Variants in FOXK1 observed in about 807,000 individuals in gnomAD.
FOXK1 encodes forkhead box protein K1.
A neutral mutation model predicts 51.9 loss-of-function variants in FOXK1; 19 were observed. The observed-to-expected ratio is 0.37, with a 90% CI of 0.26 to 0.54. FOXK1 has a LOEUF of 0.54. FOXK1 is among the 20% of genes least tolerant of loss of function. The pLI is 0.87. For missense variants in FOXK1, 870 were observed against 1,032.7 expected (o/e 0.84, Z 2.16); for synonymous variants, 537 against 482.6 (o/e 1.11, Z -1.48).
intron 1 of FOXK1, among the ~76,000 whole-genome samples, chr7:4,708,349 G>A (rs1417739691): frequency 1.3e-5 from 2 of 152,160 alleles, no homozygotes; most frequent in Non-Finnish European, 2.9e-5. Context: ...AGCCCCCGTG[G>A]ATCGGGATCC....
In FOXK1 at chr7:4,734,469, T is replaced by C. The variant is rs2115057098; in HGVS notation, c.561-6369T>C. 6.6e-6 allele frequency among the ~76,000 whole-genome samples: 1 copy of C among 152,278 alleles called. No individual in the cohort carries two copies. The highest frequency in any genetic ancestry group is 1.9e-4 in the East Asian group (1 of 5,172). ...CTCCCCAGATCGTCTGCTTCCTCCT[T>C]GCCCCTCAAACTCCTTTGCCTCAGT... On this transcript the variant is annotated intron_variant, in intron 1 of 8. Coordinates refer to ENST00000328914, the MANE Select transcript of FOXK1 (RefSeq NM_001037165.2). The surrounding 1 kb of genome is among the most constrained non-coding windows in gnomAD (Gnocchi z 5.2).
At chr7:4,705,785 C>A (rs1020837260) in intron 1 of FOXK1, among the ~76,000 whole-genome samples, 1 of 150,988 alleles carries the variant, frequency 6.6e-6, no homozygotes, top group East Asian at 1.9e-4. Flanking sequence ...GACCCCCCCC[C>A]GCCTCAGCCT....
rs377472766 is a variant in FOXK1, at chr7:4,696,819, A to C, written c.560+13951A>C. Among the ~76,000 whole-genome samples the C allele has an allele frequency of 6.0e-4, 91 of 152,210 alleles. 2 individuals are homozygous for C. In the South Asian group the frequency reaches 0.017, roughly 29 times the overall value. ...GCTGTGGCTCACGCCTGTAATCCTAACACTTTGGGAGGCTGAGGTGGGTGG... is the reference window on the plus strand; with the variant it reads ...GCTGTGGCTCACGCCTGTAATCCTACCACTTTGGGAGGCTGAGGTGGGTGG... On this transcript the variant is annotated intron_variant, in intron 1 of 8. Transcript: ENST00000328914.
chr7:4,760,369 C>G (rs974068837), intron 7 of FOXK1, among the ~76,000 whole-genome samples: 2 of 152,170 alleles, frequency 1.3e-5, no homozygotes, highest in African/African-American at 2.4e-5. Flanking sequence ...AGTTAGGCAG[C>G]GCCCTCCTAG....
chr7:4,690,746 A>C (rs183624883), intron 1 of FOXK1, among the ~76,000 whole-genome samples: 215 of 152,312 alleles, frequency 1.4e-3, no homozygotes, highest in Non-Finnish European at 2.7e-3. Context: ...AGACGCAGCT[A>C]TGTTTAAAAT....
Position 4,761,413 on chromosome 7 carries a change from T to C in FOXK1, c.1921+125T>C. Reference sequence around the variant, plus strand: ...CACTCAGTTCAATTTATTGAGCACCTGCTATACTCCAGGCACTGGGGTAAT... The same window carrying C: ...CACTCAGTTCAATTTATTGAGCACCCGCTATACTCCAGGCACTGGGGTAAT... On this transcript the variant is annotated intron_variant, in intron 8 of 8. Coordinates refer to ENST00000328914, the MANE Select transcript of FOXK1 (RefSeq NM_001037165.2). The surrounding 1 kb of genome is among the most constrained non-coding windows in gnomAD (Gnocchi z 6.2). The C allele has an allele frequency of 1.0e-6, 1 of 986,756 alleles. No individual in the cohort carries two copies. 61.1% of individuals were successfully genotyped at this position (986,756 alleles called of 1,614,324 possible). A position where few individuals can be genotyped will look rare whatever the true frequency, so the allele number is the denominator to read the frequency against.
intron 2 of FOXK1, among the ~76,000 whole-genome samples, chr7:4,752,815 A>T (rs780337067): frequency 2.0e-5 from 3 of 152,212 alleles, no homozygotes; most frequent in Non-Finnish European, 4.4e-5. Flanking sequence ...CCCTCCGGCC[A>T]TGAGGCCATC....
intron 1 of FOXK1, among the ~76,000 whole-genome samples, chr7:4,725,046 A>C (rs1403699933): frequency 1.3e-5 from 2 of 152,096 alleles, no homozygotes; most frequent in Admixed American, 1.3e-4. Context: ...CCCCAGCAGG[A>C]GCTCCCCCGA....
chr7:4,703,204 C>T lies in FOXK1; in HGVS notation c.560+20336C>T, dbSNP rs887122930. On this transcript the variant is annotated intron_variant, in intron 1 of 8. Coordinates refer to ENST00000328914, the MANE Select transcript of FOXK1 (RefSeq NM_001037165.2). This position sits in a 1 kb window ranked among gnomAD's most constrained non-coding sequence, Gnocchi z 5.6. ...GTTTCTGAGGAAGTGCTGTTTTAGCCGAGGTCTAAGTTACAGGCAGGAGCT... is the reference window on the plus strand; with the variant it reads ...GTTTCTGAGGAAGTGCTGTTTTAGCTGAGGTCTAAGTTACAGGCAGGAGCT... Among the ~76,000 whole-genome samples the T allele has an allele frequency of 6.6e-6, 1 of 152,002 alleles. No individual in the cohort carries two copies. The highest frequency in any genetic ancestry group is 1.5e-5 in the Non-Finnish European group (1 of 67,984).
Position 4,703,220 on chromosome 7 carries a change from G to A in FOXK1, c.560+20352G>A, listed in dbSNP as rs1019712000. 1.2e-4 allele frequency among the ~76,000 whole-genome samples: 18 copies of A among 152,134 alleles called. No individual in the cohort carries two copies. Among genetic ancestry groups the A allele is most frequent in the Admixed American group, 1.1e-3 (17 of 15,276 alleles). On this transcript the variant is annotated intron_variant, in intron 1 of 8. Coordinates refer to ENST00000328914, the MANE Select transcript of FOXK1 (RefSeq NM_001037165.2). This position sits in a 1 kb window ranked among gnomAD's most constrained non-coding sequence, Gnocchi z 5.6. ...TGTTTTAGCCGAGGTCTAAGTTACA[G>A]GCAGGAGCTGGCAATGAGGAGTCAG...
At chr7:4,746,770 C>G (rs144366021) in intron 2 of FOXK1, among the ~76,000 whole-genome samples, 3 of 152,210 alleles carry the variant, frequency 2.0e-5, no homozygotes, top group Admixed American at 1.3e-4. Context: ...GATTGTGGTG[C>G]GAATGTGTGA....
chr7:4,716,159 T>A (rs1394188851), intron 1 of FOXK1, among the ~76,000 whole-genome samples: 1 of 150,732 alleles, frequency 6.6e-6, no homozygotes, highest in African/African-American at 2.4e-5. Context: ...AGGCAGAGGC[T>A]ACAGTGAGTT....
rs1316242818 is a variant in FOXK1, at chr7:4,709,831, G to T, written c.560+26963G>T. 6.6e-6 allele frequency among the ~76,000 whole-genome samples: 1 copy of T among 152,122 alleles called. No individual in the cohort carries two copies. Among genetic ancestry groups the T allele is most frequent in the African/African-American group, 2.4e-5 (1 of 41,426 alleles). ...CCAGCAGTTCACTGTCTGTAAAATA[G>T]GTCCAAAAGCCATCCCCACCTCCAA... On this transcript the variant is annotated intron_variant, in intron 1 of 8. Transcript: ENST00000328914. The surrounding 1 kb of genome is among the most constrained non-coding windows in gnomAD (Gnocchi z 5.6).
chr7:4,721,654 G>C (rs570399005), intron 1 of FOXK1, among the ~76,000 whole-genome samples: 11 of 142,252 alleles, frequency 7.7e-5, no homozygotes, highest in Non-Finnish European at 1.5e-4. Flanking sequence ...GCAGTGGTGC[G>C]ATCTTGGCTC....
Position 4,762,635 on chromosome 7 carries a change from G to T in FOXK1, c.*171G>T, listed in dbSNP as rs962239432. The stretch of plus-strand genomic sequence containing the variant: ...TTTCCATTTGATCGCCTGCCTTCCC[G>T]TGGTTTAAGACAAAAACACATAAAC... On this transcript the variant is annotated 3_prime_UTR_variant, in exon 9 of 9. Coordinates refer to ENST00000328914, the MANE Select transcript of FOXK1 (RefSeq NM_001037165.2). The surrounding 1 kb of genome is among the most constrained non-coding windows in gnomAD (Gnocchi z 5.7). 1 of 628,904 alleles carries T rather than the reference G, an allele frequency of 1.6e-6. No individual in the cohort carries two copies. The highest frequency in any genetic ancestry group is 3.0e-5 in the Admixed American group (1 of 33,744). The allele number at this position is 628,904 out of a possible 1,614,324, so 39.0% of individuals were successfully genotyped here.
At chr7:4,737,487 C>T (rs762210148) in intron 1 of FOXK1, among the ~76,000 whole-genome samples, 4 of 149,564 alleles carry the variant, frequency 2.7e-5, no homozygotes, top group Non-Finnish European at 4.4e-5. Context: ...TGGGTGTGGG[C>T]GTGTGCGTGG....
Position 4,682,492 on chromosome 7 carries a change from C to G in FOXK1, c.184C>G (p.Pro62Ala). 2 of 1,014,462 alleles carry G rather than the reference C, an allele frequency of 2.0e-6. No homozygotes were observed. Among genetic ancestry groups the G allele is most frequent in the Middle Eastern group, 4.8e-4 (1 of 2,090 alleles). 62.8% of individuals were successfully genotyped at this position (1,014,462 alleles called of 1,614,324 possible). The change falls in exon 1 of 9, where the codon CCG becomes GCG. Residue 62 changes from proline (P) to alanine (A), a missense_variant. Transcript: ENST00000328914. This position sits in a 1 kb window ranked among gnomAD's most constrained non-coding sequence, Gnocchi z 7.6. The stretch of plus-strand genomic sequence containing the variant: ...GCCGCCGCCGCCACCGCCGCTGCCT[C>G]CGGGCGCGATCGCGGGCGCGGGCTC... Reference protein sequence around the residue: ...PPPPPPPPLPPGAIAGAGSSG... With the variant: ...PPPPPPPPLPAGAIAGAGSSG...
chr7:4,692,459 G>A (rs189928101), intron 1 of FOXK1, among the ~76,000 whole-genome samples: 119 of 152,234 alleles, frequency 7.8e-4, no homozygotes, highest in African/African-American at 2.7e-3. Flanking sequence ...GCAGTGGCAC[G>A]ATCTCAGCTC....
At chr7:4,691,865 TC>T (rs1395203144) in intron 1 of FOXK1, among the ~76,000 whole-genome samples, 2 of 152,092 alleles carry the variant, frequency 1.3e-5, no homozygotes, top group African/African-American at 4.8e-5. Context: ...TCTAACCTGT[TC>T]CCCTAAGTGT....
Sources: allele counts gnomAD v4.1 joint callset (sites outside exome capture counted in the v4.1 genomes callset), GRCh38; gene constraint gnomAD v4.1.1; non-coding constraint Gnocchi (gnomAD v3.1); transcripts MANE v1.5; gene names NCBI Gene and HGNC (gene_info 2026-07-23, HGNC 2026-07-21).